The following WDR54 variants were observed in gnomAD, a reference collection of about 807,000 sequenced individuals.
The protein encoded by WDR54 is WD repeat-containing protein 54.
Under a neutral mutation model 44.1 loss-of-function variants are expected in WDR54, and 44 were observed. The ratio of observed to expected loss-of-function variants is 1.00; its 90% CI spans 0.78 to 1.28. The LOEUF is 1.28. WDR54 is among the 50% of genes most tolerant of loss of function. The pLI is 0.00. For synonymous variants in WDR54, 169 were observed against 169.8 expected (o/e 1.00, Z 0.04); for missense variants, 409 against 429.7 (o/e 0.95, Z 0.43).
At chr2:74,421,853 C>T (rs1241525027) in intron 1 of WDR54, 37 bp downstream of exon 1, 2 of 641,582 alleles carry the variant, frequency 3.1e-6, no homozygotes. Context: ...CTTCAGGGAT[C>T]CGAGCCGAGG....
At chr2:74,422,517 G>A in intron 2 of WDR54, 142 bp downstream of exon 2, 2 of 1,069,154 alleles carry the variant, frequency 1.9e-6, no homozygotes, top group African/African-American at 1.6e-5. Context: ...CTCTCCTGCC[G>A]GGCGCGGTGG....
intron 8 of WDR54, 47 bp from the exon 9 acceptor site, chr2:74,425,370 A>G (rs1299459434): frequency 1.2e-6 from 2 of 1,610,726 alleles, no homozygotes; most frequent in East Asian, 2.2e-5. Context: ...TCCAGCTTAT[A>G]GCTGTCCCGT....
At position 74,423,920 on chromosome 2, in the gene WDR54, G is replaced by T. The variant is rs61739666; in HGVS notation, c.472G>T (p.Glu158Ter). ...AAAGGGTCCCAACATTGTACTGAGC[G>T]AGGAGCTGGCTGGGCACCAGATGCC... ...PAKGPNIVLS[E>*]ELAGHQMPIT... The change falls in exon 6 of 10, where the codon GAG becomes TAG. Residue 158 changes from glutamate (E) to a stop codon, truncating the protein, a stop_gained. Transcript: ENST00000348227. LOFTEE classifies it high-confidence loss of function. 73 of 1,614,024 alleles carry T rather than the reference G, an allele frequency of 4.5e-5. No homozygotes were observed. The highest frequency in any genetic ancestry group is 5.6e-5 in the Non-Finnish European group (66 of 1,180,046).
At chr2:74,425,348 T>A in intron 8 of WDR54, 69 bp from the exon 9 acceptor site, 1 of 1,597,912 alleles carries the variant, frequency 6.3e-7, no homozygotes, top group South Asian at 1.1e-5. Context: ...CTGGGGCACC[T>A]GGACTGGGGA....
intron 1 of WDR54, 58 bp from the exon 2 acceptor site, chr2:74,422,095 G>A: frequency 1.9e-6 from 3 of 1,552,316 alleles, no homozygotes; most frequent in Non-Finnish European, 2.7e-6. Context: ...CCGCCCTCGG[G>A]CATCTCCGCT....
At chr2:74,423,216 A>C (rs1461418616) in intron 3 of WDR54, 103 bp from the exon 4 acceptor site, 1 of 1,358,098 alleles carries the variant, frequency 7.4e-7, no homozygotes, top group Non-Finnish European at 1.0e-6. Context: ...TACATCCCAG[A>C]TTTGTTTTGA....
At chr2:74,425,325 G>T in intron 8 of WDR54, 88 bp downstream of exon 8, 2 of 1,582,050 alleles carry the variant, frequency 1.3e-6, no homozygotes, top group Non-Finnish European at 8.6e-7. Context: ...GCAACTCAGT[G>T]TAGCCCCCTC....
At chr2:74,423,649 G>T in intron 5 of WDR54, 118 bp downstream of exon 5, 1 of 1,468,612 alleles carries the variant, frequency 6.8e-7, no homozygotes, top group South Asian at 1.2e-5. Flanking sequence ...AAGTGGAGTG[G>T]AATCAGAGAC....
At chr2:74,423,050 C>A in intron 3 of WDR54, 118 bp downstream of exon 3, 1 of 1,072,980 alleles carries the variant, frequency 9.3e-7, no homozygotes, top group Non-Finnish European at 1.4e-6. Flanking sequence ...TTGGCCCACT[C>A]ACTCTTTTTC....
At chr2:74,422,123 G>A (rs1200894411) in intron 1 of WDR54, 30 bp from the exon 2 acceptor site, 2 of 1,602,204 alleles carry the variant, frequency 1.2e-6, no homozygotes, top group Admixed American at 1.7e-5. Context: ...TTTGTAGCGC[G>A]CCTGGTGATT....
intron 6 of WDR54, among the ~76,000 whole-genome samples, chr2:74,424,674 T>C (rs770655161): frequency 6.6e-6 from 1 of 152,174 alleles, no homozygotes; most frequent in Non-Finnish European, 1.5e-5. Flanking sequence ...CATGAAGAAA[T>C]TCAAGGAAAG....
Position 74,423,744 on chromosome 2 carries a change from G to C in WDR54, c.407-111G>C, listed in dbSNP as rs1573224035. The C allele has an allele frequency of 2.6e-6, 4 of 1,527,098 alleles. No individual in the cohort carries two copies. In the East Asian group the frequency reaches 9.1e-5, roughly 35 times the overall value. The allele number at this position is 1,527,098 out of a possible 1,614,324, so 94.6% of individuals were successfully genotyped here. A position where few individuals can be genotyped will look rare whatever the true frequency, so the allele number is the denominator to read the frequency against. ...GAAGGGGCATGGCCGTTGGAGCAGTGAGAGGGGGTTTTGTTACTAAGGTTT... is the reference window on the plus strand; with the variant it reads ...GAAGGGGCATGGCCGTTGGAGCAGTCAGAGGGGGTTTTGTTACTAAGGTTT... On this transcript the variant is annotated intron_variant, in intron 5 of 9. Coordinates refer to ENST00000348227, the MANE Select transcript of WDR54 (RefSeq NM_032118.4).
chr2:74,422,249 G>A lies in WDR54; in HGVS notation c.96G>A (p.Thr32=). 6.2e-7 allele frequency: 1 copy of A among 1,614,166 alleles called. No homozygotes were observed. The highest frequency in any genetic ancestry group is 8.5e-7 in the Non-Finnish European group (1 of 1,180,042). The change falls in exon 2 of 10, where the codon ACG becomes ACA. Residue 32 remains threonine (T), a synonymous_variant. Coordinates refer to ENST00000348227, the MANE Select transcript of WDR54 (RefSeq NM_032118.4). ...SVLQLPARNL[T]YFGVVHGPSA... Reference sequence around the variant, plus strand: ...TGCAGCTGCCGGCTCGCAACCTCACGTATTTTGGCGTGGTTCATGGACCAA... The same window carrying A: ...TGCAGCTGCCGGCTCGCAACCTCACATATTTTGGCGTGGTTCATGGACCAA...
At chr2:74,422,533 G>T (rs550342684) in intron 2 of WDR54, 158 bp downstream of exon 2, 1 of 904,234 alleles carries the variant, frequency 1.1e-6, no homozygotes, top group Non-Finnish European at 1.6e-6. Flanking sequence ...GGTGGCTCAC[G>T]CCTGTAATCC....
Position 74,423,963 on chromosome 2 carries a change from C to T in WDR54, c.515C>T (p.Thr172Ile), listed in dbSNP as rs370273315. The T allele has an allele frequency of 8.6e-5, 138 of 1,614,006 alleles. No homozygotes were observed. Among genetic ancestry groups the T allele is most frequent in the Non-Finnish European group, 1.1e-4 (133 of 1,180,036 alleles). The stretch of plus-strand genomic sequence containing the variant: ...CAGATGCCAATCACAGACATTGCCA[C>T]CGAGCCTGCCCAGGGACAGGTGAGT... ...GHQMPITDIA[T>I]EPAQGQDCVA... The change falls in exon 6 of 10, where the codon ACC (threonine) becomes ATC (isoleucine). Residue 172 changes from threonine (T) to isoleucine (I), a missense_variant. Physicochemically the swap from Thr to Ile is moderately conservative, Grantham distance 89 (BLOSUM62 -1). Coordinates refer to ENST00000348227, the MANE Select transcript of WDR54 (RefSeq NM_032118.4).
chr2:74,423,689 T>C (rs1670224562), intron 5 of WDR54, 158 bp downstream of exon 5: 2 of 1,421,782 alleles, frequency 1.4e-6, no homozygotes, highest in Non-Finnish European at 1.9e-6. Context: ...GTTCAGAGGG[T>C]CAGGGTGGGA....
At position 74,425,654 on chromosome 2, in the gene WDR54, G is replaced by A. The variant is rs770180732; in HGVS notation, c.958G>A (p.Val320Met). 1.2e-5 allele frequency: 19 copies of A among 1,614,138 alleles called. No individual in the cohort carries two copies. The highest frequency in any genetic ancestry group is 1.4e-5 in the Non-Finnish European group (17 of 1,180,042). The change falls in exon 10 of 10, where the codon GTG becomes ATG. Residue 320 changes from valine (V) to methionine (M), a missense_variant. Val to Met is a conservative substitution (Grantham distance 21). Transcript: ENST00000348227. The part of the protein sequence containing the change: ...FCDSSGNSFA[V>M]TGYDLAEIRR... ...TGATTCCTCAGGCAACTCCTTTGCT[G>A]TGACTGGCTATGACCTTGCGGAGAT...
chr2:74,425,581 T>C lies in WDR54; in HGVS notation c.885T>C (p.Cys295=). 1 of 1,614,160 alleles carries C rather than the reference T, an allele frequency of 6.2e-7. No homozygotes were observed. The highest frequency in any genetic ancestry group is 8.5e-7 in the Non-Finnish European group (1 of 1,180,022). Reference sequence around the variant, plus strand: ...CTCTGCTCCCCCAGGTGGAACACTGTCATGGTGAGTGTGTCGCCGACACCC... The same window carrying C: ...CTCTGCTCCCCCAGGTGGAACACTGCCATGGTGAGTGTGTCGCCGACACCC... The part of the protein sequence containing the change: ...PESGYIEVEH[C]HGECVADTQL... The change falls in exon 10 of 10, where the codon TGT becomes TGC. Residue 295 remains cysteine (C), a synonymous_variant. Coordinates refer to ENST00000348227, the MANE Select transcript of WDR54 (RefSeq NM_032118.4).
In WDR54 at chr2:74,423,383, C is replaced by T. The variant is rs1670210656; in HGVS notation, c.350C>T (p.Pro117Leu). ...WHALDSGDASPVQAVFARGIA... is the reference protein window; with the variant it reads ...WHALDSGDASLVQAVFARGIA... ...GCACTGGACTCTGGAGATGCCTCCC[C>T]AGGTACCTGCAGGACCAAGTGGGGT... Residue 117 changes from proline to leucine, a missense_variant and splice_region_variant, in exon 4 of 10, where the codon CCA becomes CTA. Coordinates refer to ENST00000348227, the MANE Select transcript of WDR54 (RefSeq NM_032118.4). 1 of 1,614,176 alleles carries T rather than the reference C, an allele frequency of 6.2e-7. No individual in the cohort carries two copies. The highest frequency in any genetic ancestry group is 8.5e-7 in the Non-Finnish European group (1 of 1,180,036).
Sources: gnomAD v4.1 joint callset for allele counts (sites outside exome capture counted in the v4.1 genomes callset) on GRCh38, gnomAD v4.1.1 for gene constraint, MANE v1.5 for transcripts, NCBI Gene and HGNC (gene_info 2026-07-23, HGNC 2026-07-21) for gene names.